The following OAT variants were observed in gnomAD, a reference collection of about 807,000 sequenced individuals.
OAT encodes the protein ornithine aminotransferase, mitochondrial.
In OAT, 35 loss-of-function variants were observed where a neutral mutation model predicts 48.4. That is an observed-to-expected ratio of 0.72 (90% CI 0.55 to 0.96). The LOEUF is 0.96. Among genes scored for constraint, OAT ranks in the 40% least tolerant of loss-of-function variants. The pLI is 0.00. For missense variants in OAT, 438 were observed against 537.9 expected, an observed-to-expected ratio of 0.81 and a Z score of 1.84; for synonymous variants, 182 against 198.4, an observed-to-expected ratio of 0.92 and a Z score of 0.70.
Position 124,408,803 on chromosome 10 carries a change from C to G in OAT, c.362G>C (p.Gly121Ala). 2 of 1,612,398 alleles carry G rather than the reference C, an allele frequency of 1.2e-6. No homozygotes were observed. Among genetic ancestry groups the G allele is most frequent in the Non-Finnish European group, 1.7e-6 (2 of 1,179,816 alleles). The part of the protein sequence containing the change: ...TSRAFYNNVL[G>A]EYEEYITKLF... ...TTTAGTAATATACTCCTCATATTCA[C>G]CAAGTACGTTATTATAGAAAGCTCT... The change falls in exon 3 of 10, where the codon GGT (glycine) becomes GCT (alanine). Residue 121 changes from glycine (G) to alanine (A), a missense_variant. Gly to Ala is a moderately conservative substitution (Grantham distance 60, BLOSUM62 0). Coordinates refer to ENST00000368845, the MANE Select transcript of OAT (RefSeq NM_000274.4).
chr10:124,404,842 G>A (rs955532044), intron 5 of OAT, among the ~76,000 whole-genome samples: 14 of 152,108 alleles, frequency 9.2e-5, no homozygotes, highest in Non-Finnish European at 1.8e-4. Context: ...TCAAGTGTTC[G>A]AGACCAGCCT....
chr10:124,410,312 A>G (rs577932356), intron 2 of OAT, among the ~76,000 whole-genome samples: 43 of 152,346 alleles, frequency 2.8e-4, no homozygotes, highest in Non-Finnish European at 5.6e-4. Context: ...TACTTAATAC[A>G]AAGGGAAAGA....
intron 1 of OAT, among the ~76,000 whole-genome samples, chr10:124,417,778 G>A (rs996070543): frequency 2.6e-5 from 4 of 152,198 alleles, no homozygotes; most frequent in Non-Finnish European, 5.9e-5. Context: ...ATCCCAGAAG[G>A]AGAAATTTAG....
At chr10:124,408,698 GA>G (rs1951671452) in intron 3 of OAT, 42 bp downstream of exon 3, 1 of 1,571,272 alleles carries the variant, frequency 6.4e-7, no homozygotes, top group Non-Finnish European at 8.8e-7. Context: ...AAAATAAAAA[GA>G]TTATTTTTGA....
chr10:124,399,993 T>C (rs904233450), intron 9 of OAT, among the ~76,000 whole-genome samples: 20 of 152,220 alleles, frequency 1.3e-4, no homozygotes, highest in African/African-American at 4.3e-4. Context: ...AATAAGTGTC[T>C]TAAAGGAACA....
In OAT at chr10:124,401,641, TTTTA is replaced by T. The variant is rs1951411200; in HGVS notation, c.1014+81_1014+84del. 3.3e-6 allele frequency: 3 copies of T among 912,648 alleles called. No homozygotes were observed. In the South Asian group the frequency reaches 4.1e-5, roughly 13 times the overall value. The allele number at this position is 912,648 out of a possible 1,614,324, so 56.5% of individuals were successfully genotyped here. On this transcript the variant is annotated intron_variant, in intron 8 of 9. Transcript: ENST00000368845. ...TAATATTTGGCATTCTTATTGAATT[TTTTA>T]TTATACCAGTGGGCCCAAATTAAAA...
intron 9 of OAT, 56 bp downstream of exon 9, chr10:124,400,784 G>A: frequency 8.0e-7 from 1 of 1,257,058 alleles, no homozygotes; most frequent in South Asian, 1.3e-5. Context: ...TAAATACCAA[G>A]TGTATTTTAG....
intron 4 of OAT, 97 bp from the exon 5 acceptor site, chr10:124,405,660 TA>T (rs1350118713): frequency 1.3e-6 from 2 of 1,568,254 alleles, no homozygotes; most frequent in Non-Finnish European, 1.7e-6. Flanking sequence ...ACTCAAAAAA[TA>T]AATCAAGGGC....
Position 124,408,906 on chromosome 10 carries a change from C to T in OAT, c.259G>A (p.Ala87Thr). 1.9e-6 allele frequency: 3 copies of T among 1,614,026 alleles called. No homozygotes were observed. Among genetic ancestry groups the T allele is most frequent in the Non-Finnish European group, 2.5e-6 (3 of 1,180,014 alleles). ...GGGTGACAATGCCCTTGGTTGACAGCACTGTAAGAACTCAGGAAGTCAAAA... is the reference window on the plus strand; with the variant it reads ...GGGTGACAATGCCCTTGGTTGACAGTACTGTAAGAACTCAGGAAGTCAAAA... ...KYFDFLSSYS[A>T]VNQGHCHPKI... The change falls in exon 3 of 10, where the codon GCT (alanine) becomes ACT (threonine). Residue 87 changes from alanine to threonine, a missense_variant. By Grantham distance (58) the Ala-to-Thr change is moderately conservative (BLOSUM62 0). Transcript: ENST00000368845.
At chr10:124,404,424 C>T (rs1465888372) in intron 5 of OAT, among the ~76,000 whole-genome samples, 3 of 151,776 alleles carry the variant, frequency 2.0e-5, no homozygotes, top group East Asian at 1.9e-4. Flanking sequence ...CACAGCACCA[C>T]GCCCAGCTAA....
At position 124,400,874 on chromosome 10, in the gene OAT, T is replaced by C. The variant is rs1589697304; in HGVS notation, c.1125A>G (p.Gly375=). The change falls in exon 9 of 10, where the codon GGA becomes GGG. Residue 375 remains glycine (G), a synonymous_variant. Coordinates refer to ENST00000368845, the MANE Select transcript of OAT (RefSeq NM_000274.4). ...SDVVTAVRGK[G]LLNAIVIKET... The stretch of plus-strand genomic sequence containing the variant: ...CTTTAATGACAATAGCGTTTAATAA[T>C]CCTTTTCCTCTTACGGCAGTTACAA... 1 of 1,605,032 alleles carries C rather than the reference T, an allele frequency of 6.2e-7. No homozygotes were observed.
intron 1 of OAT, among the ~76,000 whole-genome samples, chr10:124,413,295 CACACACACACACACAT>C (rs1471538237): frequency 2.6e-4 from 38 of 148,074 alleles, no homozygotes; most frequent in South Asian, 6.6e-4. Flanking sequence ...CACACACACA[CACACACACACACACAT>C]ATATGAGATT....
Position 124,400,973 on chromosome 10 carries a change from T to C in OAT, c.1026A>G (p.Glu342=). The C allele has an allele frequency of 6.2e-7, 1 of 1,611,378 alleles. No homozygotes were observed. ...TGTCTGCATTTTCAGCAAGGTTTTCTTCTTCTAAAACCTACGTTTAAAGAA... is the reference window on the plus strand; with the variant it reads ...TGTCTGCATTTTCAGCAAGGTTTTCCTCTTCTAAAACCTACGTTTAAAGAA... The part of the protein sequence containing the change: ...VAIAALEVLE[E]ENLAENADKL... Residue 342 remains glutamate (E), a synonymous_variant, in exon 9 of 10, where the codon GAA becomes GAG. Transcript: ENST00000368845.
In OAT at chr10:124,407,180, GA is replaced by G; in HGVS notation, c.520+1361del. 3 of 985,380 alleles carry G rather than the reference GA, an allele frequency of 3.0e-6. No homozygotes were observed. In the South Asian group the frequency reaches 1.4e-4, roughly 46 times the overall value. The allele number at this position is 985,380 out of a possible 1,614,324, so 61.0% of individuals were successfully genotyped here. A position where few individuals can be genotyped will look rare whatever the true frequency, so the allele number is the denominator to read the frequency against. On this transcript the variant is annotated intron_variant, in intron 4 of 9. Transcript: ENST00000368845. ...ACTTGTCCACAAAAAATAGCACATT[GA>G]TTTTGACTAGGTTTGTTTAAGAAGA...
At position 124,397,880 on chromosome 10, in the gene OAT, C is replaced by G; in HGVS notation, c.*62G>C. 3.1e-6 allele frequency: 5 copies of G among 1,605,464 alleles called. No individual in the cohort carries two copies. The highest frequency in any genetic ancestry group is 4.3e-6 in the Non-Finnish European group (5 of 1,173,268). On this transcript the variant is annotated 3_prime_UTR_variant, in exon 10 of 10. Coordinates refer to ENST00000368845, the MANE Select transcript of OAT (RefSeq NM_000274.4). ...GAATGTGCCCACATTAGGAATAAAG[C>G]TTTTACAGGACCACCTGTCTCCAGC...
At chr10:124,410,856 T>C (rs1645582915) in intron 2 of OAT, among the ~76,000 whole-genome samples, 2 of 151,950 alleles carry the variant, frequency 1.3e-5, no homozygotes, top group African/African-American at 2.4e-5. Context: ...AGAGATGTCA[T>C]GTGGCGGGGC....
intron 1 of OAT, among the ~76,000 whole-genome samples, chr10:124,415,793 T>C (rs1338750090): frequency 6.6e-6 from 1 of 152,158 alleles, no homozygotes; most frequent in African/African-American, 2.4e-5. Context: ...GAGGTTGAAG[T>C]GTCACTGAGG....
At chr10:124,416,117 C>G (rs573425170) in intron 1 of OAT, among the ~76,000 whole-genome samples, 1 of 152,190 alleles carries the variant, frequency 6.6e-6, no homozygotes, top group East Asian at 1.9e-4. Flanking sequence ...TAAGTCCCTC[C>G]TAGAGACTCC....
chr10:124,408,094 T>A (rs180742877), intron 4 of OAT, among the ~76,000 whole-genome samples: 2 of 151,948 alleles, frequency 1.3e-5, no homozygotes, highest in Non-Finnish European at 2.9e-5. Flanking sequence ...GAGAGGAATA[T>A]GGAGTTCAGA....
Sources: allele counts gnomAD v4.1 joint callset (sites outside exome capture counted in the v4.1 genomes callset), GRCh38; gene constraint gnomAD v4.1.1; transcripts MANE v1.5; gene names NCBI Gene and HGNC (gene_info 2026-07-23, HGNC 2026-07-21).